The following GRIA4 variants were observed in gnomAD, a reference collection of about 807,000 sequenced individuals.
The protein encoded by GRIA4 is glutamate receptor 4.
GRIA4 carries 34 observed loss-of-function variants against 104.0 expected under a neutral mutation model. That is an observed-to-expected ratio of 0.33 (90% CI 0.25 to 0.44). The LOEUF is 0.44. Ranked by LOEUF, GRIA4 falls within the 20% of genes least tolerant of loss-of-function variation. GRIA4 has a pLI of 1.00. For synonymous variants in GRIA4, 386 were observed against 381.9 expected (o/e 1.01, Z -0.13); for missense variants, 750 against 1,096.5 (o/e 0.68, Z 4.46).
At chr11:105,919,031 C>T (rs1409249404) in intron 11 of GRIA4, 113 bp downstream of exon 11, 7 of 669,728 alleles carry the variant, frequency 1.0e-5, no homozygotes, top group African/African-American at 1.8e-5. Context: ...AGCAACATTC[C>T]AAGAGGCACA....
At chr11:105,865,734 C>T (rs552623235) in intron 5 of GRIA4, among the ~76,000 whole-genome samples, 4 of 152,152 alleles carry the variant, frequency 2.6e-5, no homozygotes, top group South Asian at 2.1e-4. Context: ...TACCTAATAA[C>T]GTTATCAATT....
At chr11:105,862,289 C>T (rs770243584) in intron 5 of GRIA4, 81 bp downstream of exon 5, 1 of 728,142 alleles carries the variant, frequency 1.4e-6, no homozygotes, top group South Asian at 1.7e-5. Context: ...CCATCAACAT[C>T]TTCTCCCAGC....
At chr11:105,877,593 C>T (rs377223866) in intron 5 of GRIA4, among the ~76,000 whole-genome samples, 45 of 152,168 alleles carry the variant, frequency 3.0e-4, no homozygotes, top group African/African-American at 7.7e-4. Context: ...ATTTCTTGGA[C>T]GCTTTTTCAT....
intron 3 of GRIA4, among the ~76,000 whole-genome samples, chr11:105,736,454 A>G (rs148043482): frequency 8.5e-5 from 13 of 152,268 alleles, no homozygotes; most frequent in African/African-American, 3.1e-4. Context: ...AATAACTGTT[A>G]CTACACAATT....
chr11:105,660,779 A>G, intron 3 of GRIA4, among the ~76,000 whole-genome samples: 1 of 151,630 alleles, frequency 6.6e-6, no homozygotes, highest in East Asian at 1.9e-4. Context: ...AAACTCCAAG[A>G]CATATCTATA....
At chr11:105,618,046 C>T (rs886919056) in intron 3 of GRIA4, among the ~76,000 whole-genome samples, 3 of 151,786 alleles carry the variant, frequency 2.0e-5, no homozygotes, top group African/African-American at 4.8e-5. Context: ...GAGCATGCCT[C>T]GTCAAAGGAG....
intron 5 of GRIA4, among the ~76,000 whole-genome samples, chr11:105,865,223 T>C (rs1945361330): frequency 6.6e-6 from 1 of 152,212 alleles, no homozygotes; most frequent in Non-Finnish European, 1.5e-5. Flanking sequence ...TGGAAGAATG[T>C]ATGTAAATAT....
At chr11:105,686,792 C>A (rs181458111) in intron 3 of GRIA4, among the ~76,000 whole-genome samples, 1 of 151,992 alleles carries the variant, frequency 6.6e-6, no homozygotes, top group Non-Finnish European at 1.5e-5. Flanking sequence ...TGGTATCTCA[C>A]TGTAGTTTCG....
chr11:105,902,337 T>G (rs571320936), intron 7 of GRIA4, among the ~76,000 whole-genome samples: 19 of 152,072 alleles, frequency 1.2e-4, no homozygotes, highest in African/African-American at 4.1e-4. Flanking sequence ...TTTCTTTTTT[T>G]TTTTTCTTTC....
At chr11:105,668,198 ACAC>A (rs1952230124) in intron 3 of GRIA4, among the ~76,000 whole-genome samples, 1 of 8,930 alleles carries the variant, frequency 1.1e-4, no homozygotes, top group African/African-American at 3.2e-4. Context: ...CATTGCATAT[ACAC>A]ACACACACAC....
intron 5 of GRIA4, among the ~76,000 whole-genome samples, chr11:105,872,802 T>C (rs139101750): frequency 3.3e-5 from 5 of 152,244 alleles, no homozygotes; most frequent in African/African-American, 1.2e-4. Context: ...AAGTATACCA[T>C]AAGATGTAAA....
chr11:105,865,665 A>G (rs914935881), intron 5 of GRIA4, among the ~76,000 whole-genome samples: 14 of 152,296 alleles, frequency 9.2e-5, no homozygotes, highest in Non-Finnish European at 2.1e-4. Flanking sequence ...TGATTTTTAC[A>G]TGTATCTATT....
At chr11:105,800,485 C>G (rs558245985) in intron 4 of GRIA4, among the ~76,000 whole-genome samples, 2 of 151,954 alleles carry the variant, frequency 1.3e-5, no homozygotes, top group Non-Finnish European at 2.9e-5. Context: ...AACACTCAGT[C>G]TAGACTTTTC....
chr11:105,935,882 T>G (rs1157749537), intron 14 of GRIA4, among the ~76,000 whole-genome samples: 1 of 152,180 alleles, frequency 6.6e-6, no homozygotes, highest in Non-Finnish European at 1.5e-5. Flanking sequence ...TGTCCAGAAC[T>G]GTATAATAAT....
At chr11:105,836,027 A>G (rs146478951) in intron 4 of GRIA4, among the ~76,000 whole-genome samples, 134 of 152,252 alleles carry the variant, frequency 8.8e-4, no homozygotes, top group African/African-American at 3.1e-3. Flanking sequence ...AATAACAAAA[A>G]TATATTGTGA....
chr11:105,745,335 A>G (rs542275898), intron 3 of GRIA4, among the ~76,000 whole-genome samples: 3 of 152,290 alleles, frequency 2.0e-5, no homozygotes, highest in African/African-American at 7.2e-5. Context: ...AACAAGGGCT[A>G]GGAATATTAT....
intron 7 of GRIA4, among the ~76,000 whole-genome samples, chr11:105,900,953 A>AATAT (rs35052860): frequency 8.7e-5 from 13 of 149,626 alleles, no homozygotes; most frequent in South Asian, 2.1e-4. Flanking sequence ...AAGAACTAAA[A>AATAT]ATATATATAT....
At chr11:105,611,174 G>A (rs1950469445) in intron 2 of GRIA4, 89 bp downstream of exon 2, 3 of 905,850 alleles carry the variant, frequency 3.3e-6, no homozygotes, top group Non-Finnish European at 5.5e-6. Context: ...AGCAATTCAG[G>A]GAAACCTTCA....
intron 4 of GRIA4, among the ~76,000 whole-genome samples, chr11:105,760,567 T>C (rs925449032): frequency 1.3e-5 from 2 of 152,186 alleles, no homozygotes; most frequent in Non-Finnish European, 2.9e-5. Context: ...ATGCAGAACA[T>C]GACATATTTT....
Sources: gnomAD v4.1 joint callset for allele counts (sites outside exome capture counted in the v4.1 genomes callset) on GRCh38, gnomAD v4.1.1 for gene constraint, MANE v1.5 for transcripts, NCBI Gene and HGNC (gene_info 2026-07-23, HGNC 2026-07-21) for gene names.